PTPRN2: variants seen among roughly 807,000 people sequenced by gnomAD.
PTPRN2 encodes the protein protein tyrosine phosphatase receptor type N2, also known as receptor-type tyrosine-protein phosphatase N2.
PTPRN2 carries 74 observed loss-of-function variants against 118.8 expected under a neutral mutation model. That is an observed-to-expected ratio of 0.62 (90% CI 0.52 to 0.76). The LOEUF is 0.76. PTPRN2 is among the 30% of genes least tolerant of loss of function. The pLI, the probability that PTPRN2 is intolerant of heterozygous loss-of-function variation, is 0.00. For missense variants in PTPRN2, 1,481 were observed against 1,394.4 expected (o/e 1.06, Z -0.99); for synonymous variants, 641 against 608.0 (o/e 1.05, Z -0.80).
At chr7:157,802,477 C>T (rs1010214618) in intron 12 of PTPRN2, among the ~76,000 whole-genome samples, 21 of 152,332 alleles carry the variant, frequency 1.4e-4, no homozygotes, top group South Asian at 8.3e-4. Flanking sequence ...CCTGCCCGCT[C>T]GTCCCTGGGG....
At chr7:157,691,907 C>T (rs1004266494) in intron 12 of PTPRN2, among the ~76,000 whole-genome samples, 1 of 152,060 alleles carries the variant, frequency 6.6e-6, no homozygotes, top group Admixed American at 6.5e-5. Flanking sequence ...GGCCCTGGAC[C>T]CCGGGCCACA....
chr7:158,259,775 C>A (rs1797268994), intron 3 of PTPRN2, among the ~76,000 whole-genome samples: 1 of 145,686 alleles, frequency 6.9e-6, no homozygotes, highest in African/African-American at 2.5e-5. Context: ...GTGTTTGTGT[C>A]CATGTGTCTC....
At chr7:158,055,385 A>G (rs919976645) in intron 11 of PTPRN2, among the ~76,000 whole-genome samples, 2 of 152,136 alleles carry the variant, frequency 1.3e-5, no homozygotes, top group Non-Finnish European at 2.9e-5. Context: ...GTGCCAAGGA[A>G]AAACACCCGC....
intron 21 of PTPRN2, among the ~76,000 whole-genome samples, chr7:157,568,621 G>T (rs972161196): frequency 6.6e-6 from 1 of 152,214 alleles, no homozygotes; most frequent in African/African-American, 2.4e-5. Context: ...CCCACTGTGT[G>T]CTCGGCACAC....
chr7:157,681,869 C>T (rs1024147324), intron 13 of PTPRN2, among the ~76,000 whole-genome samples: 4 of 152,182 alleles, frequency 2.6e-5, no homozygotes, highest in Non-Finnish European at 4.4e-5. Context: ...GGATCCAGTC[C>T]AATGAGGAAA....
chr7:158,419,043 C>T (rs185315177), intron 2 of PTPRN2, among the ~76,000 whole-genome samples: 11 of 152,392 alleles, frequency 7.2e-5, no homozygotes, highest in African/African-American at 2.4e-4. Flanking sequence ...CTTGCCACTT[C>T]TCCTTCACCA....
chr7:158,495,625 T>C (rs1474857292), intron 1 of PTPRN2, among the ~76,000 whole-genome samples: 2 of 152,204 alleles, frequency 1.3e-5, no homozygotes, highest in African/African-American at 4.8e-5. Flanking sequence ...TGAGGTTTTC[T>C]AAATGTTTCC....
chr7:158,010,028 C>T (rs1292303191), intron 11 of PTPRN2, among the ~76,000 whole-genome samples: 1 of 152,134 alleles, frequency 6.6e-6, no homozygotes, highest in African/African-American at 2.4e-5. Flanking sequence ...AGACCCTCCA[C>T]CCTCACTTCC....
chr7:158,263,343 C>T (rs1470582699), intron 3 of PTPRN2, among the ~76,000 whole-genome samples: 1 of 151,368 alleles, frequency 6.6e-6, no homozygotes, highest in Non-Finnish European at 1.5e-5. Context: ...TGCACATGTA[C>T]ATGTGTACAC....
intron 13 of PTPRN2, among the ~76,000 whole-genome samples, chr7:157,678,499 CG>C (rs1796772998): frequency 6.6e-6 from 1 of 152,134 alleles, no homozygotes; most frequent in African/African-American, 2.4e-5. Context: ...CTTTCTGCAC[CG>C]GGGGTAAGAA....
chr7:158,215,902 T>TA (rs1210730550), intron 3 of PTPRN2, among the ~76,000 whole-genome samples: 6 of 152,172 alleles, frequency 3.9e-5, no homozygotes, highest in East Asian at 1.9e-4. Context: ...AAGAGAAATA[T>TA]AAAAAAAGGA....
chr7:158,164,454 C>T (rs369669031), intron 6 of PTPRN2, among the ~76,000 whole-genome samples: 1 of 136,512 alleles, frequency 7.3e-6, no homozygotes, highest in Admixed American at 7.3e-5. Flanking sequence ...AGGAAGGACA[C>T]GCAGAGCAGG....
chr7:157,679,281 C>T (rs549743465), intron 13 of PTPRN2, among the ~76,000 whole-genome samples: 2 of 152,100 alleles, frequency 1.3e-5, no homozygotes, highest in East Asian at 1.9e-4. Context: ...AAGTTTGGTG[C>T]GAGTAGTCTG....
chr7:158,541,787 G>A (rs1586908244), intron 1 of PTPRN2: 4 of 974,654 alleles, frequency 4.1e-6, no homozygotes, highest in Non-Finnish European at 4.9e-6. Context: ...AAGTATCAGA[G>A]GAGAAGGGGC....
chr7:158,207,896 C>T (rs558273421), intron 3 of PTPRN2, among the ~76,000 whole-genome samples: 5 of 152,098 alleles, frequency 3.3e-5, no homozygotes, highest in Non-Finnish European at 7.4e-5. Flanking sequence ...TTCAAGATAA[C>T]ATAGAAAAGA....
intron 2 of PTPRN2, among the ~76,000 whole-genome samples, chr7:158,478,494 G>A (rs889811484): frequency 6.6e-6 from 1 of 152,212 alleles, no homozygotes; most frequent in African/African-American, 2.4e-5. Flanking sequence ...CAAAGAACGG[G>A]TGGGATGCGG....
chr7:158,158,083 G>T (rs915410254), intron 6 of PTPRN2, among the ~76,000 whole-genome samples: 3 of 152,014 alleles, frequency 2.0e-5, no homozygotes, highest in Non-Finnish European at 4.4e-5. Context: ...AAGCCAAGAG[G>T]CGTGCTTGGG....
intron 1 of PTPRN2, among the ~76,000 whole-genome samples, chr7:158,502,887 A>G (rs1216497931): frequency 6.6e-6 from 1 of 151,198 alleles, no homozygotes; most frequent in Non-Finnish European, 1.5e-5. Context: ...TACTGTGTCC[A>G]TCAGCCACTG....
chr7:158,180,087 C>T (rs978161014), intron 5 of PTPRN2, among the ~76,000 whole-genome samples: 1 of 152,250 alleles, frequency 6.6e-6, no homozygotes, highest in Non-Finnish European at 1.5e-5. Flanking sequence ...CTCCAGCTTG[C>T]CCTTGAATTC....
Sources: allele counts gnomAD v4.1 joint callset (sites outside exome capture counted in the v4.1 genomes callset), GRCh38; gene constraint gnomAD v4.1.1; transcripts MANE v1.5; gene names NCBI Gene and HGNC (gene_info 2026-07-23, HGNC 2026-07-21).